The following RASSF3 variants were observed in gnomAD, a reference collection of about 807,000 sequenced individuals.
RASSF3 encodes ras association domain-containing protein 3.
Under a neutral mutation model 19.9 loss-of-function variants are expected in RASSF3, and 19 were observed. The ratio of observed to expected loss-of-function variants is 0.96; its 90% CI spans 0.67 to 1.40. The LOEUF (loss-of-function observed/expected upper bound fraction) is 1.40. RASSF3 is among the 40% of genes most tolerant of loss of function. The probability of loss-of-function intolerance (pLI) is 0.00; values close to 1 mark genes in which losing one functional copy is unlikely to be tolerated. For synonymous variants in RASSF3, 110 were observed against 104.2 expected, an observed-to-expected ratio of 1.06 and a Z score of -0.34; for missense variants, 306 against 289.8, an observed-to-expected ratio of 1.06 and a Z score of -0.41.
At chr12:64,669,855 A>G (rs991312488) in intron 1 of RASSF3, among the ~76,000 whole-genome samples, 2 of 149,368 alleles carry the variant, frequency 1.3e-5, no homozygotes, top group Non-Finnish European at 3.0e-5. Flanking sequence ...CAGCACTTCT[A>G]TGCAACAAAG....
chr12:64,544,202 G>A (rs544235739), downstream of RASSF3, among the ~76,000 whole-genome samples: 5 of 152,078 alleles, frequency 3.3e-5, no homozygotes, highest in South Asian at 8.3e-4. Flanking sequence ...GCGAAGGTCT[G>A]CAGCTTCACT....
At chr12:64,530,500 T>C (rs1034689423), upstream of RASSF3, among the ~76,000 whole-genome samples, 1 of 152,160 alleles carries the variant, frequency 6.6e-6, no homozygotes, top group African/African-American at 2.4e-5. Flanking sequence ...GTTTCCACTT[T>C]TAGGTTATTG....
intron 1 of RASSF3, among the ~76,000 whole-genome samples, chr12:64,520,867 G>A (rs1868464854): frequency 6.6e-6 from 1 of 152,052 alleles, no homozygotes; most frequent in Admixed American, 6.6e-5. Context: ...CCCCAAAGGA[G>A]CTAGAGATGA....
chr12:64,637,850 A>G (rs1363077661), intron 1 of RASSF3, among the ~76,000 whole-genome samples: 2 of 140,504 alleles, frequency 1.4e-5, no homozygotes, highest in Admixed American at 1.4e-4. Context: ...TTTTTTTTTT[A>G]AAGACAGAGT....
intron 2 of RASSF3, among the ~76,000 whole-genome samples, chr12:64,592,598 C>T (rs148587988): frequency 0.015 from 2,345 of 152,180 alleles, 25 homozygotes; most frequent in Non-Finnish European, 0.025. Flanking sequence ...TGTTTTTCTG[C>T]AACCTCAGTA....
At chr12:64,541,539 G>T in intron 1 of RASSF3, 2 of 398,262 alleles carry the variant, frequency 5.0e-6, no homozygotes, top group South Asian at 2.6e-4. Flanking sequence ...AACAGAGAAC[G>T]ACACAGACCT....
rs183176322 is a variant in RASSF3, at chr12:64,663,708, G to A, written c.112-21079G>A. 4.9e-4 allele frequency among the ~76,000 whole-genome samples: 74 copies of A among 152,080 alleles called. 1 individual carries two copies. The highest frequency in any genetic ancestry group is 2.9e-3 in the Admixed American group (44 of 15,252). ...TTTACTAGAGATGGGGTTTCACCAT[G>A]TTAGCCAGGCTGGCCTTGAACTCCT... On this transcript the variant is annotated intron_variant, in intron 1 of 4. Transcript: ENST00000542104.
intron 2 of RASSF3, among the ~76,000 whole-genome samples, chr12:64,566,070 A>G (rs1869425969): frequency 6.6e-6 from 1 of 151,810 alleles, no homozygotes. Flanking sequence ...GTGTGGTGGC[A>G]GGCACCTATA....
intron 1 of RASSF3, among the ~76,000 whole-genome samples, chr12:64,540,718 GC>G (rs1868920252): frequency 6.6e-6 from 1 of 152,184 alleles, no homozygotes; most frequent in African/African-American, 2.4e-5. Flanking sequence ...ACTTTGGGAG[GC>G]CAAGTCAGGA....
intron 1 of RASSF3, chr12:64,653,966 T>C (rs1340144610): frequency 6.6e-6 from 1 of 152,248 alleles, no homozygotes; most frequent in South Asian, 2.1e-4. Flanking sequence ...GGTGGTGGGC[T>C]GTTAGTGGAT....
chr12:64,650,311 CAGGACCTTGACAGGTCCTTGAT>C (rs1871895926), intron 1 of RASSF3, among the ~76,000 whole-genome samples: 2 of 151,910 alleles, frequency 1.3e-5, no homozygotes, highest in Admixed American at 1.3e-4. Context: ...GCTGCCATGA[CAGGACCTTGACAGGTCCTTGAT>C]AGGACCTTTG....
intron 1 of RASSF3, among the ~76,000 whole-genome samples, chr12:64,621,658 A>G (rs1870771569): frequency 1.3e-5 from 2 of 152,070 alleles, no homozygotes; most frequent in South Asian, 2.1e-4. Context: ...TTGTATTTTT[A>G]GTAGAGACAG....
At position 64,640,739 on chromosome 12, in the gene RASSF3, C is replaced by A. The variant is rs182166056; in HGVS notation, c.111+29996C>A. On this transcript the variant is annotated intron_variant, in intron 1 of 4. Coordinates refer to ENST00000542104, the MANE Select transcript of RASSF3 (RefSeq NM_178169.4). ...CTCACTGCAGCCTCAACCTCCCGGG[C>A]CCAAGTGATCCTCCCACCTCAGCCT... is the stretch of plus-strand genomic sequence containing the variant. Among the ~76,000 whole-genome samples, 42 of 152,154 alleles carry A rather than the reference C, an allele frequency of 2.8e-4. 2 individuals are homozygous for A. The East Asian group carries it at 8.0e-3, about 29-fold the overall frequency.
chr12:64,639,799 T>G (rs1191482555), intron 1 of RASSF3, among the ~76,000 whole-genome samples: 4 of 152,198 alleles, frequency 2.6e-5, no homozygotes, highest in Non-Finnish European at 5.9e-5. Flanking sequence ...CTAAAACAAT[T>G]TTCCTATTAT....
chr12:64,622,118 T>C (rs1323943509), intron 1 of RASSF3, among the ~76,000 whole-genome samples: 1 of 152,154 alleles, frequency 6.6e-6, no homozygotes, highest in African/African-American at 2.4e-5. Flanking sequence ...TGGCGCGATC[T>C]TGGCTCACTG....
At chr12:64,526,472 C>A (rs1006930576) in intron 1 of RASSF3, among the ~76,000 whole-genome samples, 3 of 152,170 alleles carry the variant, frequency 2.0e-5, no homozygotes, top group Non-Finnish European at 4.4e-5. Context: ...CCCTCCCAAC[C>A]CCCAGCCTTT....
chr12:64,528,185 A>T (rs1480973461), intron 1 of RASSF3, among the ~76,000 whole-genome samples: 1 of 152,154 alleles, frequency 6.6e-6, no homozygotes, highest in African/African-American at 2.4e-5. Context: ...AAGTGAGAGG[A>T]TCACTTGAGC....
intron 2 of RASSF3, among the ~76,000 whole-genome samples, chr12:64,553,990 A>G (rs576164894): frequency 3.5e-3 from 525 of 151,702 alleles, no homozygotes; most frequent in African/African-American, 0.011. Context: ...AAAAAAAAAA[A>G]AAAGAAAGAA....
intron 2 of RASSF3, among the ~76,000 whole-genome samples, chr12:64,584,542 TC>T (rs1428305195): frequency 1.3e-5 from 2 of 148,728 alleles, no homozygotes; most frequent in African/African-American, 4.9e-5. Context: ...AAGTCAGTGC[TC>T]TATTTCTGAA....
Sources: allele counts gnomAD v4.1 joint callset (sites outside exome capture counted in the v4.1 genomes callset), GRCh38; gene constraint gnomAD v4.1.1; transcripts MANE v1.5; gene names NCBI Gene and HGNC (gene_info 2026-07-23, HGNC 2026-07-21).